The following SPATA13 variants were observed in gnomAD, a reference collection of about 807,000 sequenced individuals.
The protein encoded by SPATA13 is spermatogenesis associated 13.
Under a neutral mutation model 104.0 loss-of-function variants are expected in SPATA13, and 50 were observed. The ratio of observed to expected loss-of-function variants is 0.48; its 90% CI spans 0.38 to 0.61. SPATA13 has a LOEUF of 0.61. Among genes scored for constraint, SPATA13 ranks in the 20% least tolerant of loss-of-function variants. The pLI is 0.00. For synonymous variants in SPATA13, 606 were observed against 667.5 expected (o/e 0.91, Z 1.42); for missense variants, 1,524 against 1,690.6 (o/e 0.90, Z 1.73).
At chr13:24,120,609 G>C (rs559685160) in intron 3 of SPATA13, among the ~76,000 whole-genome samples, 2 of 152,224 alleles carry the variant, frequency 1.3e-5, no homozygotes, top group African/African-American at 2.4e-5. Flanking sequence ...ATGTGAAAAG[G>C]GGGGACAGTA....
intron 1 of SPATA13, among the ~76,000 whole-genome samples, chr13:24,182,561 A>G (rs779439800): frequency 4.6e-4 from 70 of 152,262 alleles, no homozygotes; most frequent in Admixed American, 1.1e-3. Flanking sequence ...GTGAACTTAC[A>G]GAGTGAGAAC....
chr13:24,190,640 G>T (rs1353772392), intron 1 of SPATA13, among the ~76,000 whole-genome samples: 1 of 151,854 alleles, frequency 6.6e-6, no homozygotes, highest in East Asian at 1.9e-4. Flanking sequence ...AATTAGAAGT[G>T]GAGGCTGAAG....
At chr13:24,141,957 C>G (rs559322779) in intron 3 of SPATA13, among the ~76,000 whole-genome samples, 39 of 152,100 alleles carry the variant, frequency 2.6e-4, no homozygotes, top group Non-Finnish European at 5.1e-4. Flanking sequence ...TGTTTACTCA[C>G]CTCAGTAGGG....
At chr13:24,072,288 C>T (rs1050863678) in intron 3 of SPATA13, among the ~76,000 whole-genome samples, 2 of 152,228 alleles carry the variant, frequency 1.3e-5, no homozygotes, top group Admixed American at 6.5e-5. Context: ...CTTTAAGTAC[C>T]GTACAGCAGA....
At chr13:24,145,472 A>G (rs12430549) in intron 3 of SPATA13, among the ~76,000 whole-genome samples, 2,308 of 152,286 alleles carry the variant, frequency 0.015, 198 homozygotes, top group Admixed American at 0.14. Flanking sequence ...TTCTCAGTTC[A>G]TGTGAGTCCA....
In SPATA13 at chr13:24,007,414, C is replaced by G. The variant is rs552439863; in HGVS notation, c.-146-10253C>G. Among the ~76,000 whole-genome samples the G allele has an allele frequency of 1.1e-3, 171 of 152,278 alleles. 3 individuals carry two copies. The highest frequency in any genetic ancestry group is 3.7e-3 in the African/African-American group (155 of 41,560). On this transcript the variant is annotated intron_variant, in intron 2 of 14. Coordinates refer to the SPATA13 transcript ENST00000424834. ...CTGCTGGGTTCAAAATCCTGCTGCA[C>G]CAGGGACAAGCTGGGTGATGTTTAA...
intron 4 of SPATA13, among the ~76,000 whole-genome samples, chr13:24,259,000 C>A (rs1301365864): frequency 2.6e-5 from 4 of 152,158 alleles, no homozygotes; most frequent in Admixed American, 6.5e-5. Flanking sequence ...TGGGGTGGAC[C>A]ATCCATATGG....
chr13:24,270,809 G>C (rs968890617), intron 4 of SPATA13: 1 of 1,612,290 alleles, frequency 6.2e-7, no homozygotes, highest in Non-Finnish European at 8.5e-7. Context: ...CCGGCTCCTC[G>C]GTCACACCCC....
intron 1 of SPATA13, among the ~76,000 whole-genome samples, chr13:24,171,522 G>A (rs1882967505): frequency 6.6e-6 from 1 of 152,212 alleles, no homozygotes; most frequent in Non-Finnish European, 1.5e-5. Flanking sequence ...AAGGATGGGT[G>A]AATGGAGCAG....
chr13:24,249,113 G>T (rs572111903), intron 2 of SPATA13, among the ~76,000 whole-genome samples: 1 of 152,274 alleles, frequency 6.6e-6, no homozygotes, highest in East Asian at 1.9e-4. Flanking sequence ...CAAGTGATCT[G>T]CCTGCCTCGG....
intron 3 of SPATA13, among the ~76,000 whole-genome samples, chr13:24,108,374 G>T (rs1880522960): frequency 6.6e-6 from 1 of 152,178 alleles, no homozygotes; most frequent in South Asian, 2.1e-4. Flanking sequence ...TCTCAGTGTT[G>T]AACTTAACCC....
chr13:24,126,075 C>A (rs2137829626), intron 3 of SPATA13, among the ~76,000 whole-genome samples: 1 of 152,308 alleles, frequency 6.6e-6, no homozygotes, highest in South Asian at 2.1e-4. Context: ...ATCTTCCTTT[C>A]TGATGCATTC....
intron 3 of SPATA13, among the ~76,000 whole-genome samples, chr13:24,057,051 C>A (rs1566088034): frequency 6.9e-6 from 1 of 145,958 alleles, no homozygotes; most frequent in East Asian, 2.0e-4. Flanking sequence ...TAGCGTCTGG[C>A]TCTTTCTTTT....
intron 2 of SPATA13, among the ~76,000 whole-genome samples, chr13:24,239,694 A>T (rs987501498): frequency 1.9e-3 from 10 of 5,208 alleles, no homozygotes; most frequent in Middle Eastern, 0.036. Flanking sequence ...GACCATATCT[A>T]AAAAAAAAAA....
chr13:24,200,957 T>TC (rs897410098), intron 1 of SPATA13, among the ~76,000 whole-genome samples: 1 of 152,086 alleles, frequency 6.6e-6, no homozygotes, highest in Non-Finnish European at 1.5e-5. Context: ...TTCTTTTTTT[T>TC]CCCCCTCACA....
chr13:24,030,869 C>A (rs1299923887), intron 3 of SPATA13, among the ~76,000 whole-genome samples: 1 of 152,100 alleles, frequency 6.6e-6, no homozygotes, highest in Non-Finnish European at 1.5e-5. Context: ...TCCTCACAGC[C>A]CAATGAAATG....
At chr13:24,045,826 A>G (rs975444859) in intron 3 of SPATA13, among the ~76,000 whole-genome samples, 1 of 151,916 alleles carries the variant, frequency 6.6e-6, no homozygotes, top group Admixed American at 6.6e-5. Context: ...TGCCTTCCTC[A>G]CCTCCTCATG....
Position 24,297,404 on chromosome 13 carries a change from T to C in SPATA13, c.3252T>C (p.Ser1084=), listed in dbSNP as rs1446692795. 1.9e-6 allele frequency: 3 copies of C among 1,613,878 alleles called. No individual in the cohort carries two copies. Among genetic ancestry groups the C allele is most frequent in the Admixed American group, 3.3e-5 (2 of 60,022 alleles). ...ILDRSSELIH[S]GELTKITKQG... ...ACCGAAGCTCAGAATTGATTCATTC[T>C]GGGGAGCTGACCAAAATCACTAAGC... Residue 1084 remains serine (S), a synonymous_variant, in exon 11 of 13, where the codon TCT becomes TCC. Transcript: ENST00000382108.
chr13:24,087,968 TTCCTCCAGCATC>T (rs1449924386), intron 3 of SPATA13, among the ~76,000 whole-genome samples: 2 of 152,252 alleles, frequency 1.3e-5, no homozygotes, highest in Non-Finnish European at 2.9e-5. Context: ...GCTTTGGGCC[TTCCTCCAGCATC>T]TCCTCCAGCT....
Sources: gnomAD v4.1 joint callset for allele counts (sites outside exome capture counted in the v4.1 genomes callset) on GRCh38, gnomAD v4.1.1 for gene constraint, MANE v1.5 for transcripts, NCBI Gene and HGNC (gene_info 2026-07-23, HGNC 2026-07-21) for gene names.